Variants in CEACAM20 observed in about 807,000 individuals in gnomAD.
CEACAM20 encodes the protein cell adhesion molecule CEACAM20.
Under a neutral mutation model 61.2 loss-of-function variants are expected in CEACAM20, and 50 were observed. The observed-to-expected ratio is 0.82, with a 90% CI of 0.65 to 1.03. The LOEUF (loss-of-function observed/expected upper bound fraction) is 1.03. Among genes scored for constraint, CEACAM20 ranks in the 50% least tolerant of loss-of-function variants. The pLI, the probability that CEACAM20 is intolerant of heterozygous loss-of-function variation, is 0.00. For synonymous variants in CEACAM20, 282 were observed against 287.7 expected, an observed-to-expected ratio of 0.98 and a Z score of 0.20; for missense variants, 683 against 736.4, an observed-to-expected ratio of 0.93 and a Z score of 0.84.
intron 7 of CEACAM20, 53 bp downstream of exon 7, chr19:44,513,119 C>T (rs1341362098): frequency 4.8e-6 from 7 of 1,445,960 alleles, no homozygotes; most frequent in African/African-American, 1.4e-5. Flanking sequence ...CGGCAAGCGC[C>T]CCCTGCTGGC....
chr19:44,522,691 C>G lies in CEACAM20; in HGVS notation c.694G>C (p.Val232Leu), dbSNP rs1423341505. The G allele has an allele frequency of 6.2e-7, 1 of 1,613,766 alleles. No individual in the cohort carries two copies. The highest frequency in any genetic ancestry group is 2.2e-5 in the East Asian group (1 of 44,874). Residue 232 changes from valine to leucine, a missense_variant, in exon 4 of 12, where the codon GTG becomes CTG. Coordinates refer to ENST00000614924, the MANE Select transcript of CEACAM20 (RefSeq NM_001102597.3). Reference sequence around the variant, plus strand: ...GACAGGTGGGTGGCACTGTTGGACACCAAGCACCTGTACAGGCCCTCATGT... The same window carrying G: ...GACAGGTGGGTGGCACTGTTGGACAGCAAGCACCTGTACAGGCCCTCATGT... ...REHEGLYRCL[V>L]SNSATHLSSL...
Position 44,524,200 on chromosome 19 carries a change from C to T in CEACAM20, c.258G>A (p.Val86=), listed in dbSNP as rs372046252. ...CGTCCTTAGTGGTGCAGTAGAAGGT[C>T]ACCATGTCCTTCTGCTCTATGGCAG... ...PGTAIEQKDM[V]TFYCTTKDVN... Residue 86 remains valine, a synonymous_variant, in exon 3 of 12, where the codon GTG becomes GTA. Coordinates refer to ENST00000614924, the MANE Select transcript of CEACAM20 (RefSeq NM_001102597.3). 1.5e-5 allele frequency: 24 copies of T among 1,613,840 alleles called. No homozygotes were observed. The highest frequency in any genetic ancestry group is 1.9e-5 in the Non-Finnish European group (22 of 1,179,902).
At chr19:44,529,042 T>C (rs1393447961) in intron 1 of CEACAM20, among the ~76,000 whole-genome samples, 1 of 147,296 alleles carries the variant, frequency 6.8e-6, no homozygotes, top group Non-Finnish European at 1.5e-5. Context: ...CACTGCAGCT[T>C]CCACCTCCGA....
chr19:44,525,338 T>G, intron 1 of CEACAM20, 94 bp from the exon 2 acceptor site: 1 of 1,245,986 alleles, frequency 8.0e-7, no homozygotes, highest in Non-Finnish European at 1.1e-6. Context: ...TCTGAGGCCA[T>G]AGGACTGGCA....
At chr19:44,517,505 G>A (rs1179366945) in intron 5 of CEACAM20, among the ~76,000 whole-genome samples, 1 of 151,826 alleles carries the variant, frequency 6.6e-6, no homozygotes. Context: ...AGACCATTCT[G>A]GCTAACATGG....
chr19:44,506,553 A>T (rs1428191806), intron 11 of CEACAM20, among the ~76,000 whole-genome samples: 1 of 152,220 alleles, frequency 6.6e-6, no homozygotes, highest in Admixed American at 6.5e-5. Flanking sequence ...ACATGATTGC[A>T]TGTATGTGAT....
Position 44,511,290 on chromosome 19 carries a change from G to A in CEACAM20, c.1612-135C>T, listed in dbSNP as rs545810484. 17 of 1,293,060 alleles carry A rather than the reference G, an allele frequency of 1.3e-5. No individual in the cohort carries two copies. In the South Asian group the frequency reaches 2.3e-4, roughly 18 times the overall value. The allele number at this position is 1,293,060 out of a possible 1,614,324, so 80.1% of individuals were successfully genotyped here. On this transcript the variant is annotated intron_variant, in intron 10 of 11. Coordinates refer to ENST00000614924, the MANE Select transcript of CEACAM20 (RefSeq NM_001102597.3). ...TTGCAGAGAATCAGAGGTGGAAGCA[G>A]GGTTAGAACCCAGGCCCTTGCCCTG... is the stretch of plus-strand genomic sequence containing the variant.
At chr19:44,506,886 T>C (rs149749285) in intron 11 of CEACAM20, among the ~76,000 whole-genome samples, 322 of 152,350 alleles carry the variant, frequency 2.1e-3, no homozygotes, top group African/African-American at 5.4e-3. Context: ...AATGAATTCA[T>C]GTTGTTTTAA....
chr19:44,520,701 T>C lies in CEACAM20; in HGVS notation c.803A>G (p.Asn268Ser). 1 of 1,614,024 alleles carries C rather than the reference T, an allele frequency of 6.2e-7. No individual in the cohort carries two copies. The highest frequency in any genetic ancestry group is 8.5e-7 in the Non-Finnish European group (1 of 1,179,898). Residue 268 changes from asparagine (N) to serine (S), a missense_variant, in exon 5 of 12, where the codon AAT (asparagine) becomes AGT (serine). Asn to Ser is a conservative substitution (Grantham distance 46). Transcript: ENST00000614924. ...VVPSSLNLVENARSVDLTCQT... is the reference protein window; with the variant it reads ...VVPSSLNLVESARSVDLTCQT... ...GCAGGTCAGGTCCACAGACCTAGCA[T>C]TCTCCACAAGGTTCAGGCTTGAAGG...
At chr19:44,515,823 A>C in intron 6 of CEACAM20, among the ~76,000 whole-genome samples, 1 of 152,130 alleles carries the variant, frequency 6.6e-6, no homozygotes, top group South Asian at 2.1e-4. Flanking sequence ...ATAAAAAACT[A>C]GCTAGCTGTG....
Position 44,517,188 on chromosome 19 carries a change from G to A in CEACAM20, c.1067C>T (p.Ala356Val). The change falls in exon 6 of 12, where the codon GCA (alanine) becomes GTA (valine). Residue 356 changes from alanine to valine, a missense_variant. By Grantham distance (64) the Ala-to-Val change is moderately conservative. Transcript: ENST00000614924. ...PDQVHITRESASEMISTIEAE... is the reference protein window; with the variant it reads ...PDQVHITRESVSEMISTIEAE... ...CTCTATGGTGCTGATCATCTCAGAT[G>A]CCGACTCCCTGGTGATGTGCACTTG... The A allele has an allele frequency of 6.2e-7, 1 of 1,610,678 alleles. No homozygotes were observed. The highest frequency in any genetic ancestry group is 8.5e-7 in the Non-Finnish European group (1 of 1,179,872).
intron 6 of CEACAM20, among the ~76,000 whole-genome samples, chr19:44,516,548 C>T (rs942884783): frequency 2.0e-5 from 3 of 152,208 alleles, no homozygotes; most frequent in African/African-American, 7.2e-5. Flanking sequence ...CCATGTAAGA[C>T]ATGCCTTTCG....
Position 44,525,219 on chromosome 19 carries a change from A to G in CEACAM20, c.78T>C (p.Pro26=). The G allele has an allele frequency of 6.2e-7, 1 of 1,607,972 alleles. No individual in the cohort carries two copies. Among genetic ancestry groups the G allele is most frequent in the South Asian group, 1.1e-5 (1 of 89,878 alleles). ...TGAGGGTGAGCTGGGCTGCAGCTGG[A>G]GGACTCCATACGGTACAAAGCGAGG... ...LSASLCTVWS[P]PAAAQLTLNA... The change falls in exon 2 of 12, where the codon CCT becomes CCC. Residue 26 remains proline (P), a synonymous_variant. Transcript: ENST00000614924.
intron 3 of CEACAM20, among the ~76,000 whole-genome samples, chr19:44,523,531 T>C (rs1971434836): frequency 6.6e-6 from 1 of 151,986 alleles, no homozygotes; most frequent in Admixed American, 6.6e-5. Flanking sequence ...GAGCTCAATT[T>C]TAGTTGAGCT....
intron 6 of CEACAM20, among the ~76,000 whole-genome samples, chr19:44,514,987 A>G (rs1032378362): frequency 6.7e-6 from 1 of 149,756 alleles, no homozygotes; most frequent in African/African-American, 2.5e-5. Context: ...ACAGGTACCC[A>G]CCACCACGCC....
intron 6 of CEACAM20, among the ~76,000 whole-genome samples, chr19:44,516,403 C>T (rs1349216683): frequency 6.6e-6 from 1 of 152,148 alleles, no homozygotes; most frequent in African/African-American, 2.4e-5. Context: ...TGGGAGGGAC[C>T]TGGTGGGAGA....
rs559182983 is a variant in CEACAM20 at position 44,525,239 on chromosome 19, G to T, written c.58C>A (p.Leu20Ile). 10 of 1,584,802 alleles carry T rather than the reference G, an allele frequency of 6.3e-6. No homozygotes were observed. In the East Asian group the frequency reaches 2.3e-4, roughly 37 times the overall value. Reference sequence around the variant, plus strand: ...GCTGGAGGACTCCATACGGTACAAAGCGAGGCTACAAGGGGAGAGAGGAGG... The same window carrying T: ...GCTGGAGGACTCCATACGGTACAAATCGAGGCTACAAGGGGAGAGAGGAGG... ...HWMGILLSASLCTVWSPPAAA... is the reference protein window; with the variant it reads ...HWMGILLSASICTVWSPPAAA... The change falls in exon 2 of 12, where the codon CTT (leucine) becomes ATT (isoleucine). Residue 20 changes from leucine (L) to isoleucine (I), a missense_variant. Physicochemically the swap from Leu to Ile is conservative, Grantham distance 5 (BLOSUM62 2). Transcript: ENST00000614924.
chr19:44,512,368 G>A (rs975520323), intron 8 of CEACAM20, among the ~76,000 whole-genome samples: 22 of 152,090 alleles, frequency 1.4e-4, no homozygotes, highest in Non-Finnish European at 2.9e-4. Context: ...CTTGGTTTTC[G>A]TCTCTATAAA....
At position 44,522,812 on chromosome 19, in the gene CEACAM20, T is replaced by C. The variant is rs1971408525; in HGVS notation, c.573A>G (p.Thr191=). Residue 191 remains threonine, a synonymous_variant, in exon 4 of 12, where the codon ACA becomes ACG. Coordinates refer to ENST00000614924, the MANE Select transcript of CEACAM20 (RefSeq NM_001102597.3). ...TATAGGCACAGGGTGGGTGAGACTT[T>C]GTTTCCGCTAAGAAGGTCATGCTGG... ...EGSSMTFLAE[T]KSHPPCAYTW... 1 of 1,613,456 alleles carries C rather than the reference T, an allele frequency of 6.2e-7. No homozygotes were observed. The highest frequency in any genetic ancestry group is 8.5e-7 in the Non-Finnish European group (1 of 1,179,714).
Sources: allele counts gnomAD v4.1 joint callset (sites outside exome capture counted in the v4.1 genomes callset), GRCh38; gene constraint gnomAD v4.1.1; transcripts MANE v1.5; gene names NCBI Gene and HGNC (gene_info 2026-07-23, HGNC 2026-07-21).